PLEKHH1: variants seen among roughly 807,000 people sequenced by gnomAD.
PLEKHH1 encodes the protein pleckstrin homology, MyTH4 and FERM domain containing H1.
PLEKHH1 carries 104 observed loss-of-function variants against 160.0 expected under a neutral mutation model. The ratio of observed to expected loss-of-function variants is 0.65; its 90% CI spans 0.55 to 0.76. The LOEUF (loss-of-function observed/expected upper bound fraction) is 0.76. PLEKHH1 is among the 30% of genes least tolerant of loss of function. The pLI is 0.00. For missense variants in PLEKHH1, 1,427 were observed against 1,724.1 expected (o/e 0.83, Z 3.05); for synonymous variants, 619 against 678.4 (o/e 0.91, Z 1.36).
In PLEKHH1 at chr14:67,587,211, T is replaced by C; in HGVS notation, c.4071T>C (p.Ala1357=). 3.7e-6 allele frequency: 6 copies of C among 1,613,860 alleles called. No homozygotes were observed. The highest frequency in any genetic ancestry group is 5.1e-6 in the Non-Finnish European group (6 of 1,179,816). Reference sequence around the variant, plus strand: ...AGTTCTTTTCTTCTGTTTCCTGTGCTACCAAGGGGCCAACGTTGCTGTGAA... The same window carrying C: ...AGTTCTTTTCTTCTGTTTCCTGTGCCACCAAGGGGCCAACGTTGCTGTGAA... ...GRQFFSSVSC[A]TKGPTLL is the part of the protein sequence containing the mutation. Residue 1357 remains alanine, a synonymous_variant, in exon 29 of 29, where the codon GCT becomes GCC. Coordinates refer to ENST00000329153, the MANE Select transcript of PLEKHH1 (RefSeq NM_020715.3).
chr14:67,562,664 G>A lies in PLEKHH1; in HGVS notation c.1033G>A (p.Val345Met), dbSNP rs567890070. The A allele has an allele frequency of 6.2e-6, 10 of 1,612,682 alleles. No homozygotes were observed. The South Asian group carries it at 7.7e-5, about 12-fold the overall frequency. Residue 345 changes from valine to methionine, a missense_variant, in exon 7 of 29, where the codon GTG becomes ATG. Val to Met is a conservative substitution (Grantham distance 21, BLOSUM62 1). Coordinates refer to ENST00000329153, the MANE Select transcript of PLEKHH1 (RefSeq NM_020715.3). ...PQVGHGHFGRVVNIETEAFSA... is the reference protein window; with the variant it reads ...PQVGHGHFGRMVNIETEAFSA... ...GGTGGGCCATGGGCACTTTGGCCGT[G>A]TGGTGAACATTGAGACTGAGGCCTT...
rs545638443 is a variant in PLEKHH1, at chr14:67,562,870, C to T, written c.1239C>T (p.Pro413=). ...EVELGNKPPT[P]PLHQFSSWES... is the part of the protein sequence containing the mutation. Reference sequence around the variant, plus strand: ...AGCTGGGTAACAAGCCACCTACACCCCCGCTGCACCAGTTTTCATCCTGGG... The same window carrying T: ...AGCTGGGTAACAAGCCACCTACACCTCCGCTGCACCAGTTTTCATCCTGGG... The change falls in exon 7 of 29, where the codon CCC becomes CCT. Residue 413 remains proline, a synonymous_variant. Transcript: ENST00000329153. 1.2e-6 allele frequency: 2 copies of T among 1,612,786 alleles called. No individual in the cohort carries two copies. Among genetic ancestry groups the T allele is most frequent in the South Asian group, 1.1e-5 (1 of 91,022 alleles).
chr14:67,582,066 T>C lies in PLEKHH1; in HGVS notation c.3285-3T>C, dbSNP rs2140534124. 1 of 1,607,648 alleles carries C rather than the reference T, an allele frequency of 6.2e-7. No homozygotes were observed. The highest frequency in any genetic ancestry group is 8.5e-7 in the Non-Finnish European group (1 of 1,177,158). ...TCCTGGTTTCTTATTCTCTTCTTTG[T>C]AGGCTGTACTTTCGCAGTCAAGTCA... On this transcript the variant is annotated splice_region_variant and splice_polypyrimidine_tract_variant and intron_variant, in intron 23 of 28. Transcript: ENST00000329153. This position sits in a 1 kb window ranked among gnomAD's most constrained non-coding sequence, Gnocchi z 5.0.
rs777121658 is a variant in PLEKHH1 at position 67,562,051 on chromosome 14, T to C, written c.505+16T>C. The stretch of plus-strand genomic sequence containing the variant: ...GCGCTAGAAGGTAGGCAGGCCAGGG[T>C]GTGCAGGTGTGCAGTACGTGTGTTT... On this transcript the variant is annotated intron_variant, in intron 6 of 28. Transcript: ENST00000329153. 1.2e-6 allele frequency: 2 copies of C among 1,611,350 alleles called. No homozygotes were observed.
chr14:67,587,105 A>G lies in PLEKHH1; in HGVS notation c.3965A>G (p.Tyr1322Cys). 6.2e-7 allele frequency: 1 copy of G among 1,613,034 alleles called. No individual in the cohort carries two copies. Among genetic ancestry groups the G allele is most frequent in the Non-Finnish European group, 8.5e-7 (1 of 1,179,418 alleles). Residue 1322 changes from tyrosine (Y) to cysteine (C), a missense_variant, in exon 29 of 29, where the codon TAT (tyrosine) becomes TGT (cysteine). Physicochemically the swap from Tyr to Cys is radical, Grantham distance 194. Around this residue, in one of 6 missense-constraint regions of PLEKHH1, gnomAD observed 96 missense variants for 97.6 expected, o/e 0.98. Coordinates refer to ENST00000329153, the MANE Select transcript of PLEKHH1 (RefSeq NM_020715.3). ...IAEATFIMAS[Y>C]MNHCTTTVNP... ...GAAGCTACCTTCATCATGGCCAGCT[A>G]TATGAACCATTGCACTACAACTGTG...
Position 67,574,239 on chromosome 14 carries a change from C to T in PLEKHH1, c.1927-3C>T, listed in dbSNP as rs777754270. The T allele has an allele frequency of 6.3e-6, 10 of 1,594,344 alleles. No individual in the cohort carries two copies. Among genetic ancestry groups the T allele is most frequent in the Admixed American group, 1.7e-5 (1 of 57,660 alleles). On this transcript the variant is annotated splice_region_variant and splice_polypyrimidine_tract_variant and intron_variant, in intron 13 of 28. Transcript: ENST00000329153. The surrounding 1 kb of genome is among the most constrained non-coding windows in gnomAD (Gnocchi z 4.2). ...CCCCACCCCCATATCTCGCCCTCCACAGCTCATCTCTGAGAAGAAAACCTA... is the reference window on the plus strand; with the variant it reads ...CCCCACCCCCATATCTCGCCCTCCATAGCTCATCTCTGAGAAGAAAACCTA...
Position 67,534,513 on chromosome 14 carries a change from ATTG to A in PLEKHH1, c.-35+1120_-35+1122del, listed in dbSNP as rs1000053876. Among the ~76,000 whole-genome samples the A allele has an allele frequency of 2.7e-4, 41 of 152,118 alleles. 1 individual carries two copies. The highest frequency in any genetic ancestry group is 9.2e-4 in the African/African-American group (38 of 41,414). ...GATGATCCTGTCTGTTAAAAAAAAA[ATTG>A]TTGTGATATGCCCATGGTCACATAG... is the stretch of plus-strand genomic sequence containing the variant. On this transcript the variant is annotated intron_variant, in intron 1 of 28. Coordinates refer to ENST00000329153, the MANE Select transcript of PLEKHH1 (RefSeq NM_020715.3).
In PLEKHH1 at chr14:67,573,506, G is replaced by C; in HGVS notation, c.1839+120G>C. On this transcript the variant is annotated intron_variant, in intron 12 of 28. Transcript: ENST00000329153. This position sits in a 1 kb window ranked among gnomAD's most constrained non-coding sequence, Gnocchi z 4.8. ...AGGCCAGAGGGCAAAGGTCTGGCAG[G>C]TGGGGAGAGGCAACCTCACTGGGCC... is the stretch of plus-strand genomic sequence containing the variant. 1 of 708,880 alleles carries C rather than the reference G, an allele frequency of 1.4e-6. No individual in the cohort carries two copies. The highest frequency in any genetic ancestry group is 2.4e-6 in the Non-Finnish European group (1 of 418,884). 43.9% of individuals were successfully genotyped at this position (708,880 alleles called of 1,614,324 possible). A position where few individuals can be genotyped will look rare whatever the true frequency, so the allele number is the denominator to read the frequency against.
At chr14:67,586,746 C>T (rs1435246552) in intron 28 of PLEKHH1, 7 of 1,241,274 alleles carry the variant, frequency 5.6e-6, no homozygotes, top group Non-Finnish European at 7.2e-6. Flanking sequence ...CCTTTAATAC[C>T]ACCCCTGCTA....
At chr14:67,541,675 A>AG (rs1465267929) in intron 1 of PLEKHH1, among the ~76,000 whole-genome samples, 159 bp from the exon 2 acceptor site, 2 of 152,168 alleles carry the variant, frequency 1.3e-5, no homozygotes, top group African/African-American at 4.8e-5. Context: ...GAAGGCAGGG[A>AG]GGGGCCCTGG....
At chr14:67,555,452 C>T (rs1031252954) in intron 2 of PLEKHH1, among the ~76,000 whole-genome samples, 4 of 152,118 alleles carry the variant, frequency 2.6e-5, no homozygotes, top group South Asian at 2.1e-4. Flanking sequence ...GCCCCACCTT[C>T]GACCCAATGC....
In PLEKHH1 at chr14:67,576,121, G is replaced by A; in HGVS notation, c.2352+116G>A. 2.5e-6 allele frequency: 2 copies of A among 785,372 alleles called. No individual in the cohort carries two copies. The highest frequency in any genetic ancestry group is 3.7e-5 in the South Asian group (2 of 53,644). 48.7% of individuals were successfully genotyped at this position (785,372 alleles called of 1,614,324 possible). ...AATTTATTTCCTTTTGGACACTTTG[G>A]CAACTAATATTCTCTGAATGGGAAT... On this transcript the variant is annotated intron_variant, in intron 16 of 28. Transcript: ENST00000329153. This position sits in a 1 kb window ranked among gnomAD's most constrained non-coding sequence, Gnocchi z 4.0.
intron 7 of PLEKHH1, among the ~76,000 whole-genome samples, chr14:67,566,589 G>T (rs568963194): frequency 2.0e-5 from 3 of 151,954 alleles, no homozygotes; most frequent in African/African-American, 7.2e-5. Flanking sequence ...TACCAAAAAA[G>T]ATACAAAAAT....
At chr14:67,551,277 G>T (rs1270356608) in intron 2 of PLEKHH1, among the ~76,000 whole-genome samples, 6 of 152,134 alleles carry the variant, frequency 3.9e-5, no homozygotes, top group Admixed American at 3.9e-4. Context: ...TGAGACAACA[G>T]GTGAGCATCA....
chr14:67,549,670 C>A (rs543553767), intron 2 of PLEKHH1, among the ~76,000 whole-genome samples: 1 of 152,146 alleles, frequency 6.6e-6, no homozygotes, highest in African/African-American at 2.4e-5. Context: ...CTGTAGTGCT[C>A]GTGAACCATT....
intron 5 of PLEKHH1, among the ~76,000 whole-genome samples, 153 bp downstream of exon 5, chr14:67,559,844 C>T (rs566705738): frequency 2.0e-5 from 3 of 152,204 alleles, no homozygotes; most frequent in South Asian, 4.1e-4. Flanking sequence ...GCTGAGACAC[C>T]GTAGTTCACT....
intron 1 of PLEKHH1, chr14:67,533,631 A>C (rs1235747306): frequency 6.6e-6 from 1 of 152,044 alleles, no homozygotes; most frequent in African/African-American, 2.4e-5. Flanking sequence ...CTCCCCCGGG[A>C]GTACCTGGAC....
At chr14:67,565,781 G>A (rs565091693) in intron 7 of PLEKHH1, among the ~76,000 whole-genome samples, 54 of 152,226 alleles carry the variant, frequency 3.5e-4, no homozygotes, top group African/African-American at 1.2e-3. Flanking sequence ...CCACTGCTCG[G>A]GAGACCTGTA....
chr14:67,559,666 A>T lies in PLEKHH1; in HGVS notation c.398A>T (p.Glu133Val), dbSNP rs1447923436. 6.2e-7 allele frequency: 1 copy of T among 1,606,638 alleles called. No homozygotes were observed. Among genetic ancestry groups the T allele is most frequent in the Non-Finnish European group, 8.5e-7 (1 of 1,176,544 alleles). Residue 133 changes from glutamate to valine, a missense_variant, in exon 5 of 29, where the codon GAA becomes GTA. Physicochemically the swap from Glu to Val is moderately radical, Grantham distance 121. Coordinates refer to ENST00000329153, the MANE Select transcript of PLEKHH1 (RefSeq NM_020715.3). ...CAAGAAAAAGCTGCAAAGATCAAGGAATGGGTGACACTCAAGTTGGCAAAG... is the reference window on the plus strand; with the variant it reads ...CAAGAAAAAGCTGCAAAGATCAAGGTATGGGTGACACTCAAGTTGGCAAAG... ...TVQEKAAKIK[E>V]WVTLKLAKLE...
Sources: gnomAD v4.1 joint callset for allele counts (sites outside exome capture counted in the v4.1 genomes callset) on GRCh38, gnomAD v4.1.1 for gene constraint, gnomAD v4.1.1 regional missense constraint, Gnocchi (gnomAD v3.1) non-coding constraint, MANE v1.5 for transcripts, NCBI Gene and HGNC (gene_info 2026-07-23, HGNC 2026-07-21) for gene names.